Variants in MFSD6 observed in about 807,000 individuals in gnomAD.
MFSD6 encodes major facilitator superfamily domain containing 6.
Under a neutral mutation model 56.3 loss-of-function variants are expected in MFSD6, and 26 were observed. That is an observed-to-expected ratio of 0.46 (90% CI 0.34 to 0.64). The LOEUF is 0.64. Among genes scored for constraint, MFSD6 ranks in the 30% least tolerant of loss-of-function variants. The probability of loss-of-function intolerance (pLI) is 0.01; values close to 1 mark genes in which losing one functional copy is unlikely to be tolerated. For synonymous variants in MFSD6, 331 were observed against 366.9 expected, an observed-to-expected ratio of 0.90 and a Z score of 1.12; for missense variants, 750 against 986.2, an observed-to-expected ratio of 0.76 and a Z score of 3.21.
In MFSD6 at chr2:190,500,034, A is replaced by G; in HGVS notation, c.2192A>G (p.Glu731Gly). The G allele has an allele frequency of 6.2e-7, 1 of 1,614,212 alleles. No homozygotes were observed. The highest frequency in any genetic ancestry group is 1.3e-5 in the African/African-American group (1 of 75,052). The stretch of plus-strand genomic sequence containing the variant: ...CTCCAGGGGACCAATGAGAATAGGG[A>G]AAATTCTCCTGCTGGTAGAGCCCAG... ...QPLQGTNENRENSPAGRAQPV... is the reference protein window; with the variant it reads ...QPLQGTNENRGNSPAGRAQPV... Residue 731 changes from glutamate to glycine, a missense_variant, in exon 8 of 8, where the codon GAA becomes GGA. Physicochemically the swap from Glu to Gly is moderately conservative, Grantham distance 98. Coordinates refer to ENST00000392328, the MANE Select transcript of MFSD6 (RefSeq NM_017694.4). This position sits in a 1 kb window ranked among gnomAD's most constrained non-coding sequence, Gnocchi z 5.3.
chr2:190,451,476 A>G lies in MFSD6; in HGVS notation c.1532+13915A>G, dbSNP rs1328200888. Among the ~76,000 whole-genome samples the G allele has an allele frequency of 5.3e-5, 8 of 152,244 alleles. No homozygotes were observed. Among genetic ancestry groups the G allele is most frequent in the African/African-American group, 1.7e-4 (7 of 41,470 alleles). On this transcript the variant is annotated intron_variant, in intron 3 of 7. Coordinates refer to ENST00000392328, the MANE Select transcript of MFSD6 (RefSeq NM_017694.4). The surrounding 1 kb of genome is among the most constrained non-coding windows in gnomAD (Gnocchi z 5.0). The stretch of plus-strand genomic sequence containing the variant: ...ATATATGGAATCTGTAATAAGAAAG[A>G]TAAAGGTCAGTCCTCGTGGGACTCA...
chr2:190,481,381 G>A (rs1208098966), intron 4 of MFSD6, among the ~76,000 whole-genome samples: 1 of 152,080 alleles, frequency 6.6e-6, no homozygotes, highest in Non-Finnish European at 1.5e-5. Flanking sequence ...CTTATATATG[G>A]GATTTGGAAG....
intron 2 of MFSD6, among the ~76,000 whole-genome samples, chr2:190,429,466 C>T (rs1020702369): frequency 6.6e-5 from 10 of 152,110 alleles, no homozygotes; most frequent in Admixed American, 3.9e-4. Flanking sequence ...GCTGGGATTA[C>T]AGGCACCCAC....
At chr2:190,429,005 A>G (rs1381779690) in intron 2 of MFSD6, among the ~76,000 whole-genome samples, 1 of 152,022 alleles carries the variant, frequency 6.6e-6, no homozygotes, top group Non-Finnish European at 1.5e-5. Context: ...TTTTTAGAGT[A>G]TGTTACATTA....
intron 3 of MFSD6, among the ~76,000 whole-genome samples, chr2:190,455,518 G>GATCTGC (rs1686983013): frequency 6.6e-6 from 1 of 152,116 alleles, no homozygotes; most frequent in Admixed American, 6.5e-5. Flanking sequence ...GCAGTTTGTT[G>GATCTGC]ATCTGCACGA....
In MFSD6 at chr2:190,501,246, G is replaced by A. The variant is rs1469751146; in HGVS notation, c.*1028G>A. 6.6e-6 allele frequency: 1 copy of A among 152,168 alleles called. No individual in the cohort carries two copies. The highest frequency in any genetic ancestry group is 6.5e-5 in the Admixed American group (1 of 15,276). The allele number at this position is 152,168 out of a possible 1,614,324, so 9.4% of individuals were successfully genotyped here. Reference sequence around the variant, plus strand: ...TCAGTTTTGTTTTGTTTTTGGTGAGGAAAAGGTGGTAAATAGGAAACCATG... The same window carrying A: ...TCAGTTTTGTTTTGTTTTTGGTGAGAAAAAGGTGGTAAATAGGAAACCATG... On this transcript the variant is annotated 3_prime_UTR_variant, in exon 8 of 8. Transcript: ENST00000392328.
intron 4 of MFSD6, among the ~76,000 whole-genome samples, chr2:190,484,300 A>C (rs2125218320): frequency 6.6e-6 from 1 of 152,322 alleles, no homozygotes; most frequent in South Asian, 2.1e-4. Flanking sequence ...AAAATTTGTA[A>C]TTCTAGTGTA....
intron 4 of MFSD6, among the ~76,000 whole-genome samples, chr2:190,475,543 T>A (rs1366332313): frequency 2.0e-5 from 3 of 152,152 alleles, no homozygotes; most frequent in African/African-American, 7.2e-5. Context: ...TACAAACCAC[T>A]GCTCAATGAA....
At chr2:190,414,363 T>C (rs1029031057) in intron 1 of MFSD6, among the ~76,000 whole-genome samples, 1 of 152,236 alleles carries the variant, frequency 6.6e-6, no homozygotes, top group African/African-American at 2.4e-5. Flanking sequence ...CCTTTCTTAA[T>C]TCTATTTCAA....
chr2:190,500,104 A>G lies in MFSD6; in HGVS notation c.2262A>G (p.Pro754=). Residue 754 remains proline (P), a synonymous_variant, in exon 8 of 8, where the codon CCA becomes CCG. Coordinates refer to ENST00000392328, the MANE Select transcript of MFSD6 (RefSeq NM_017694.4). This position sits in a 1 kb window ranked among gnomAD's most constrained non-coding sequence, Gnocchi z 5.3. ...ACTCTGACCCATCTAGAAACCAGCC[A>G]TCCCCTGACGCAGCAGCATCTCAGA... The part of the protein sequence containing the change: ...ETHSDPSRNQ[P]SPDAAASQTQ... 6.2e-7 allele frequency: 1 copy of G among 1,614,186 alleles called. No homozygotes were observed. The highest frequency in any genetic ancestry group is 8.5e-7 in the Non-Finnish European group (1 of 1,180,026).
rs984463950 is a variant in MFSD6 at position 190,410,347 on chromosome 2, G to A, written c.-176+1844G>A. The stretch of plus-strand genomic sequence containing the variant: ...ACACAAACCACATAATCAGTAAGAG[G>A]TAGAGTTAAATTTGACCTCATGTTT... On this transcript the variant is annotated intron_variant, in intron 1 of 7. Coordinates refer to ENST00000392328, the MANE Select transcript of MFSD6 (RefSeq NM_017694.4). The surrounding 1 kb of genome is among the most constrained non-coding windows in gnomAD (Gnocchi z 4.4). Among the ~76,000 whole-genome samples the A allele has an allele frequency of 2.0e-5, 3 of 152,164 alleles. No homozygotes were observed. In the East Asian group the frequency reaches 5.8e-4, roughly 29 times the overall value.
At chr2:190,473,737 A>T (rs1688099181) in intron 4 of MFSD6, among the ~76,000 whole-genome samples, 1 of 152,224 alleles carries the variant, frequency 6.6e-6, no homozygotes. Context: ...ACATCTACAG[A>T]ACTCTCCACC....
chr2:190,444,084 C>T (rs1175269835), intron 3 of MFSD6, among the ~76,000 whole-genome samples: 1 of 152,044 alleles, frequency 6.6e-6, no homozygotes, highest in African/African-American at 2.4e-5. Context: ...AATGAGTAGT[C>T]TAATTAAGTT....
rs755956794 is a variant in MFSD6, at chr2:190,497,894, A to G, written c.2172+175A>G. On this transcript the variant is annotated intron_variant, in intron 7 of 7. Coordinates refer to ENST00000392328, the MANE Select transcript of MFSD6 (RefSeq NM_017694.4). The surrounding 1 kb of genome is among the most constrained non-coding windows in gnomAD (Gnocchi z 5.2). Reference sequence around the variant, plus strand: ...GCACTGAGTTAAAGAGGGTGTATACAAGGTCCCATAGAGAGAATATTCTGC... The same window carrying G: ...GCACTGAGTTAAAGAGGGTGTATACGAGGTCCCATAGAGAGAATATTCTGC... The G allele has an allele frequency of 2.9e-6, 2 of 695,570 alleles. No homozygotes were observed. Among genetic ancestry groups the G allele is most frequent in the Non-Finnish European group, 4.7e-6 (2 of 427,636 alleles). 43.1% of individuals were successfully genotyped at this position (695,570 alleles called of 1,614,324 possible).
At position 190,494,801 on chromosome 2, in the gene MFSD6, C is replaced by G. The variant is rs890670066; in HGVS notation, c.1892-2638C>G. Among the ~76,000 whole-genome samples the G allele has an allele frequency of 1.3e-5, 2 of 152,094 alleles. No individual in the cohort carries two copies. Among genetic ancestry groups the G allele is most frequent in the African/African-American group, 4.8e-5 (2 of 41,422 alleles). On this transcript the variant is annotated intron_variant, in intron 6 of 7. Coordinates refer to ENST00000392328, the MANE Select transcript of MFSD6 (RefSeq NM_017694.4). This position sits in a 1 kb window ranked among gnomAD's most constrained non-coding sequence, Gnocchi z 5.7. ...AAAGCATTTGATGAAATCCAGCATC[C>G]CTTTATGATTAAAACCCTTAGCAAA...
chr2:190,411,351 G>A lies in MFSD6; in HGVS notation c.-176+2848G>A, dbSNP rs531428215. 6.4e-6 allele frequency: 3 copies of A among 468,966 alleles called. No homozygotes were observed. In the African/African-American group the frequency reaches 6.4e-5, roughly 10 times the overall value. 29.1% of individuals were successfully genotyped at this position (468,966 alleles called of 1,614,324 possible). A position where few individuals can be genotyped will look rare whatever the true frequency, so the allele number is the denominator to read the frequency against. On this transcript the variant is annotated intron_variant, in intron 1 of 7. Coordinates refer to ENST00000392328, the MANE Select transcript of MFSD6 (RefSeq NM_017694.4). The stretch of plus-strand genomic sequence containing the variant: ...ATTTTTATTTTTTTAGTAGAGACGG[G>A]GTTTCATCATGTTGGCCAGGATGGT...
rs1193863399 is a variant in MFSD6 at position 190,498,206 on chromosome 2, T to C, written c.2172+487T>C. On this transcript the variant is annotated intron_variant, in intron 7 of 7. Transcript: ENST00000392328. This position sits in a 1 kb window ranked among gnomAD's most constrained non-coding sequence, Gnocchi z 5.9. The stretch of plus-strand genomic sequence containing the variant: ...GAAAAATAAGTCTAAAAGTGTGATT[T>C]TTCTTGTCCCCAGAGGAGTGATCTT... 2.6e-5 allele frequency among the ~76,000 whole-genome samples: 4 copies of C among 152,214 alleles called. No individual in the cohort carries two copies. The highest frequency in any genetic ancestry group is 9.6e-5 in the African/African-American group (4 of 41,468).
chr2:190,446,854 A>C (rs1378418098), intron 3 of MFSD6, among the ~76,000 whole-genome samples: 1 of 152,172 alleles, frequency 6.6e-6, no homozygotes, highest in Non-Finnish European at 1.5e-5. Flanking sequence ...GAGCCATCTA[A>C]GACTGTACTG....
rs981017097 is a variant in MFSD6, at chr2:190,416,753, A to T, written c.-54+1340A>T. ...TTTTAGATTAACAGAATGCTTTCTC[A>T]TACTTTATTTCATTTAAGCTCTAGA... On this transcript the variant is annotated intron_variant, in intron 2 of 7. Coordinates refer to ENST00000392328, the MANE Select transcript of MFSD6 (RefSeq NM_017694.4). This position sits in a 1 kb window ranked among gnomAD's most constrained non-coding sequence, Gnocchi z 4.1. Among the ~76,000 whole-genome samples the T allele has an allele frequency of 6.6e-6, 1 of 152,232 alleles. No individual in the cohort carries two copies. Among genetic ancestry groups the T allele is most frequent in the Non-Finnish European group, 1.5e-5 (1 of 68,044 alleles).
Sources: gnomAD v4.1 joint callset for allele counts (sites outside exome capture counted in the v4.1 genomes callset) on GRCh38, gnomAD v4.1.1 for gene constraint, Gnocchi (gnomAD v3.1) non-coding constraint, MANE v1.5 for transcripts, NCBI Gene and HGNC (gene_info 2026-07-23, HGNC 2026-07-21) for gene names.